Variants in XKR6 observed in about 807,000 individuals in gnomAD.
XKR6 encodes the protein XK-related protein 6.
A neutral mutation model predicts 56.7 loss-of-function variants in XKR6; 22 were observed. The ratio of observed to expected loss-of-function variants is 0.39; its 90% CI spans 0.28 to 0.55. XKR6 has a LOEUF of 0.55. Among genes scored for constraint, XKR6 ranks in the 20% least tolerant of loss-of-function variants. The pLI, the probability that XKR6 is intolerant of heterozygous loss-of-function variation, is 0.66. For missense variants in XKR6, 852 were observed against 889.0 expected, an observed-to-expected ratio of 0.96 and a Z score of 0.53; for synonymous variants, 524 against 387.8, an observed-to-expected ratio of 1.35 and a Z score of -4.13.
chr8:10,993,861 T>C (rs567395452), intron 1 of XKR6, among the ~76,000 whole-genome samples: 7 of 152,180 alleles, frequency 4.6e-5, no homozygotes, highest in African/African-American at 1.4e-4. Flanking sequence ...CTTAGCTATA[T>C]AGCCCTATAC....
chr8:11,081,758 T>A (rs1220811583), intron 1 of XKR6, among the ~76,000 whole-genome samples: 1 of 152,238 alleles, frequency 6.6e-6, no homozygotes, highest in Non-Finnish European at 1.5e-5. Context: ...AGAGAAGCTT[T>A]AATGGGCACT....
At chr8:11,011,656 G>C (rs1001719691) in intron 1 of XKR6, among the ~76,000 whole-genome samples, 3 of 152,210 alleles carry the variant, frequency 2.0e-5, no homozygotes, top group African/African-American at 7.2e-5. Context: ...GTGTTGCAGA[G>C]AAGGATAGAG....
intron 1 of XKR6, among the ~76,000 whole-genome samples, chr8:10,950,285 C>T (rs1486393908): frequency 1.3e-5 from 2 of 152,238 alleles, no homozygotes. Context: ...TCCTCTAGGT[C>T]CCTGCTGAAG....
Position 11,200,988 on chromosome 8 carries a change from G to A in XKR6, c.352C>T (p.Pro118Ser). ...PTPSAARPEP[P>S]PPQVERPWLD... ...CACGGCCGCTCCACCTGCGGCGGCG[G>A]CGGCTCCGGCCGCGCGGCCGAGGGC... The change falls in exon 1 of 3, where the codon CCG (proline) becomes TCG (serine). Residue 118 changes from proline (P) to serine (S), a missense_variant. Pro to Ser is a moderately conservative substitution (Grantham distance 74). Around this residue, in one of 4 missense-constraint regions of XKR6, gnomAD observed 417 missense variants for 355.2 expected, o/e 1.17. Coordinates refer to ENST00000416569, the MANE Select transcript of XKR6 (RefSeq NM_173683.4). This position sits in a 1 kb window ranked among gnomAD's most constrained non-coding sequence, Gnocchi z 6.4. The A allele has an allele frequency of 1.4e-6, 2 of 1,475,282 alleles. No individual in the cohort carries two copies. Among genetic ancestry groups the A allele is most frequent in the Non-Finnish European group, 1.8e-6 (2 of 1,113,720 alleles). 91.4% of individuals were successfully genotyped at this position (1,475,282 alleles called of 1,614,324 possible).
Position 11,018,345 on chromosome 8 carries a change from G to T in XKR6, c.765-93515C>A, listed in dbSNP as rs563107274. On this transcript the variant is annotated intron_variant, in intron 1 of 2. Coordinates refer to ENST00000416569, the MANE Select transcript of XKR6 (RefSeq NM_173683.4). The stretch of plus-strand genomic sequence containing the variant: ...GCTCCTGAGATGAATGCTGTGCACA[G>T]CTCCTCACCTGCAGAGATATTTGAC... Among the ~76,000 whole-genome samples, 6 of 152,350 alleles carry T rather than the reference G, an allele frequency of 3.9e-5. No homozygotes were observed. In the South Asian group the frequency reaches 1.0e-3, roughly 26 times the overall value.
At chr8:10,992,048 C>G (rs896316529) in intron 1 of XKR6, among the ~76,000 whole-genome samples, 3 of 152,174 alleles carry the variant, frequency 2.0e-5, no homozygotes, top group African/African-American at 7.2e-5. Flanking sequence ...AGGAAACAGA[C>G]CTGGCCGTGA....
At chr8:11,112,399 T>C (rs1372428256) in intron 1 of XKR6, among the ~76,000 whole-genome samples, 1 of 152,076 alleles carries the variant, frequency 6.6e-6, no homozygotes, top group Admixed American at 6.6e-5. Context: ...CACAAAGAGG[T>C]AGGCCTTTTT....
chr8:11,035,060 A>G (rs1440186033), intron 1 of XKR6: 1 of 406,798 alleles, frequency 2.5e-6, no homozygotes, highest in Non-Finnish European at 5.1e-6. Context: ...CCAGTTACTG[A>G]TTCTTTCTGA....
intron 1 of XKR6, among the ~76,000 whole-genome samples, chr8:11,083,585 G>T (rs997079810): frequency 7.2e-5 from 11 of 152,202 alleles, no homozygotes; most frequent in Middle Eastern, 3.2e-3. Context: ...GTTTCCCCTT[G>T]GGGGGCCTGG....
At chr8:11,125,226 C>T (rs1325843802) in intron 1 of XKR6, among the ~76,000 whole-genome samples, 1 of 152,078 alleles carries the variant, frequency 6.6e-6, no homozygotes, top group Non-Finnish European at 1.5e-5. Context: ...TGCTAAGGAC[C>T]AAGCTGAGGA....
Position 11,061,444 on chromosome 8 carries a change from G to T in XKR6, c.765-136614C>A, listed in dbSNP as rs1275617691. Among the ~76,000 whole-genome samples the T allele has an allele frequency of 2.1e-5, 3 of 144,478 alleles. No homozygotes were observed. The East Asian group carries it at 5.8e-4, about 28-fold the overall frequency. The allele number at this position is 144,478 out of a possible 152,430, so 94.8% of individuals were successfully genotyped here. On this transcript the variant is annotated intron_variant, in intron 1 of 2. Transcript: ENST00000416569. The stretch of plus-strand genomic sequence containing the variant: ...ATCATGCCACTGCATGCCAGTCAGG[G>T]TGACAGAGTGAGACCCTGTCTCAAA...
At chr8:11,135,409 G>C (rs925256082) in intron 1 of XKR6, among the ~76,000 whole-genome samples, 3 of 152,156 alleles carry the variant, frequency 2.0e-5, no homozygotes, top group Admixed American at 2.0e-4. Context: ...AGGATAGATA[G>C]AATAAAGTTA....
chr8:10,980,845 CTCTG>C (rs1586386996), intron 1 of XKR6, among the ~76,000 whole-genome samples: 1 of 152,112 alleles, frequency 6.6e-6, no homozygotes, highest in East Asian at 1.9e-4. Flanking sequence ...GGATTATGAT[CTCTG>C]TCTGTCTGTC....
chr8:11,109,932 T>G (rs1164489834), intron 1 of XKR6, among the ~76,000 whole-genome samples: 3 of 152,180 alleles, frequency 2.0e-5, no homozygotes, highest in Non-Finnish European at 2.9e-5. Context: ...GATTAAAATT[T>G]AACGTGACTT....
intron 1 of XKR6, among the ~76,000 whole-genome samples, chr8:11,134,003 T>G (rs531320422): frequency 6.6e-6 from 1 of 152,256 alleles, no homozygotes; most frequent in East Asian, 1.9e-4. Flanking sequence ...TGCAATTACT[T>G]GCACTTCCCC....
intron 1 of XKR6, among the ~76,000 whole-genome samples, chr8:10,973,943 A>C (rs1460109114): frequency 6.6e-6 from 1 of 152,178 alleles, no homozygotes; most frequent in Non-Finnish European, 1.5e-5. Context: ...ATACTTTCTA[A>C]ATGACTTCAT....
intron 1 of XKR6, among the ~76,000 whole-genome samples, chr8:10,962,519 TCTTTTGGAACTTGTAAGGAAGTTCCAA>T (rs928637500): frequency 5.3e-5 from 8 of 152,228 alleles, no homozygotes; most frequent in African/African-American, 1.7e-4. Flanking sequence ...ATGTCTTACA[TCTTTTGGAACTTGTAAGGAAGTTCCAA>T]CTTTTGGAAC....
chr8:11,014,951 T>C (rs143990528), intron 1 of XKR6, among the ~76,000 whole-genome samples: 95 of 152,268 alleles, frequency 6.2e-4, no homozygotes, highest in African/African-American at 2.2e-3. Context: ...AAATTCCAAA[T>C]CATCTTCAGC....
intron 1 of XKR6, among the ~76,000 whole-genome samples, chr8:10,926,892 C>A (rs1800901759): frequency 6.6e-6 from 1 of 152,154 alleles, no homozygotes; most frequent in Non-Finnish European, 1.5e-5. Context: ...TCAGAGCTCA[C>A]AGTCACTAAG....
Sources: allele counts gnomAD v4.1 joint callset (sites outside exome capture counted in the v4.1 genomes callset), GRCh38; gene constraint gnomAD v4.1.1; regional missense constraint gnomAD v4.1.1; non-coding constraint Gnocchi (gnomAD v3.1); transcripts MANE v1.5; gene names NCBI Gene and HGNC (gene_info 2026-07-23, HGNC 2026-07-21).